NPIPB13: variants seen among roughly 807,000 people sequenced by gnomAD.
NPIPB13 encodes the protein nuclear pore complex interacting protein family, member B13.
intron 3 of NPIPB13, among the ~76,000 whole-genome samples, chr16:30,232,554 T>G (rs1596938187): frequency 2.3e-5 from 2 of 86,214 alleles, no homozygotes; most frequent in African/African-American, 3.4e-5. Context: ...AATCACAAGG[T>G]CAAGAGATGG....
intron 3 of NPIPB13, among the ~76,000 whole-genome samples, chr16:30,232,483 A>T (rs1335788965): frequency 6.8e-6 from 1 of 146,376 alleles, no homozygotes; most frequent in Admixed American, 6.8e-5. Flanking sequence ...AAAAAAAAAA[A>T]TAGGCCAGAT....
intron 3 of NPIPB13, among the ~76,000 whole-genome samples, chr16:30,232,506 G>A (rs1324376840): frequency 3.7e-4 from 50 of 133,944 alleles, no homozygotes; most frequent in African/African-American, 1.2e-3. Flanking sequence ...GGTAGCTCAC[G>A]CCTGTAATCC....
At chr16:30,241,641 C>T in intron 2 of NPIPB13, among the ~76,000 whole-genome samples, 1 of 35,358 alleles carries the variant, frequency 2.8e-5, no homozygotes, top group South Asian at 8.4e-4. Flanking sequence ...GCCTGACCAA[C>T]ATGGTGAAAC....
rs1157727972 is a variant in NPIPB13, at chr16:30,244,519, GT to G, written c.120+934del. Among the ~76,000 whole-genome samples, 18 of 115,494 alleles carry G rather than the reference GT, an allele frequency of 1.6e-4. 2 individuals carry two copies. Among genetic ancestry groups the G allele is most frequent in the Non-Finnish European group, 2.7e-4 (15 of 56,172 alleles). The allele number at this position is 115,494 out of a possible 152,430, so 75.8% of individuals were successfully genotyped here. ...TGTGTGTGTGTGTGTGTGTGTGTGT[GT>G]GTGTGTGTGTGTGTGTGTATCTATA... On this transcript the variant is annotated intron_variant, in intron 2 of 7. Transcript: ENST00000520915.
At chr16:30,232,487 G>A (rs1488924007) in intron 3 of NPIPB13, among the ~76,000 whole-genome samples, 5 of 146,146 alleles carry the variant, frequency 3.4e-5, no homozygotes, top group African/African-American at 7.4e-5. Flanking sequence ...AAAAAAATAG[G>A]CCAGATGCGG....
chr16:30,232,534 G>T (rs540043316), intron 3 of NPIPB13, among the ~76,000 whole-genome samples: 1 of 113,972 alleles, frequency 8.8e-6, no homozygotes, highest in Non-Finnish European at 2.0e-5. Context: ...TTGGGAGGCC[G>T]AGGCAGGTGA....
At chr16:30,241,829 T>A (rs1443891898) in intron 2 of NPIPB13, among the ~76,000 whole-genome samples, 1 of 96,842 alleles carries the variant, frequency 1.0e-5, no homozygotes, top group Non-Finnish European at 2.3e-5. Flanking sequence ...AGACTCTGTC[T>A]CAAAAAAAAA....
chr16:30,228,626 AG>A (rs1430682097), intron 5 of NPIPB13: 1 of 183,738 alleles, frequency 5.4e-6, no homozygotes, highest in African/African-American at 3.2e-5. Flanking sequence ...TCACAACCGA[AG>A]GGAGAATTGA....
intron 2 of NPIPB13, among the ~76,000 whole-genome samples, chr16:30,245,059 G>A (rs2073606738): frequency 6.6e-6 from 1 of 150,654 alleles, no homozygotes; most frequent in South Asian, 2.1e-4. Flanking sequence ...ATATTGGTCA[G>A]GCTGGTCTCG....
intron 3 of NPIPB13, among the ~76,000 whole-genome samples, chr16:30,232,369 C>T (rs993262091): frequency 3.4e-5 from 4 of 116,166 alleles, no homozygotes; most frequent in African/African-American, 1.2e-4. Context: ...GAGGCTGAGG[C>T]AGGAGAATCA....
At chr16:30,232,540 G>A (rs1221576410) in intron 3 of NPIPB13, among the ~76,000 whole-genome samples, 1 of 100,368 alleles carries the variant, frequency 1.0e-5, no homozygotes, top group Admixed American at 1.1e-4. Flanking sequence ...GGCCGAGGCA[G>A]GTGAATCACA....
At chr16:30,236,249 TTTG>T (rs2073569922) in intron 2 of NPIPB13, among the ~76,000 whole-genome samples, 1 of 100,140 alleles carries the variant, frequency 1.0e-5, no homozygotes, top group Admixed American at 1.1e-4. Flanking sequence ...TTTGTTTTTG[TTTG>T]TTATTTTTGA....
At chr16:30,230,877 T>TAAA (rs1200193892) in intron 5 of NPIPB13, among the ~76,000 whole-genome samples, 8 of 55,044 alleles carry the variant, frequency 1.5e-4, no homozygotes, top group African/African-American at 4.1e-4. Context: ...ATCTCAAAAT[T>TAAA]AAAAAAAAAA....
chr16:30,244,656 CAG>C (rs1225909954), intron 2 of NPIPB13, among the ~76,000 whole-genome samples: 1 of 44,468 alleles, frequency 2.2e-5, no homozygotes. Flanking sequence ...GTAGACTAAA[CAG>C]AGCATTCAAA....
chr16:30,236,531 CTG>C (rs2073571937), intron 2 of NPIPB13, among the ~76,000 whole-genome samples: 1 of 3,024 alleles, frequency 3.3e-4, no homozygotes, highest in Non-Finnish European at 8.3e-4. Context: ...GCATGAGCCA[CTG>C]TACCTGGCCA....
At chr16:30,244,120 CAG>C (rs1372721607) in intron 2 of NPIPB13, among the ~76,000 whole-genome samples, 1 of 131,908 alleles carries the variant, frequency 7.6e-6, no homozygotes, top group African/African-American at 2.7e-5. Context: ...TATTTTTAAA[CAG>C]GGTAAAACTA....
intron 3 of NPIPB13, among the ~76,000 whole-genome samples, chr16:30,232,657 T>C (rs1596938272): frequency 1.8e-5 from 1 of 54,898 alleles, no homozygotes; most frequent in East Asian, 6.6e-4. Flanking sequence ...TCCCAGCTAC[T>C]CGGGAGGCTG....
intron 3 of NPIPB13, among the ~76,000 whole-genome samples, chr16:30,232,491 G>A (rs1282938576): frequency 1.4e-5 from 2 of 144,840 alleles, no homozygotes; most frequent in Admixed American, 1.4e-4. Context: ...AAATAGGCCA[G>A]ATGCGGTAGC....
chr16:30,245,169 A>G (rs1441723235), intron 2 of NPIPB13, among the ~76,000 whole-genome samples: 1 of 152,308 alleles, frequency 6.6e-6, no homozygotes, highest in African/African-American at 2.4e-5. Flanking sequence ...AAGATAATAA[A>G]TCACCTTTTT....
Sources: allele counts gnomAD v4.1 joint callset (sites outside exome capture counted in the v4.1 genomes callset), GRCh38; gene constraint gnomAD v4.1.1; transcripts MANE v1.5; gene names NCBI Gene and HGNC (gene_info 2026-07-23, HGNC 2026-07-21).